Variants in ADGRD1 observed in about 807,000 individuals in gnomAD.
ADGRD1 encodes the protein adhesion G protein-coupled receptor D1.
Under a neutral mutation model 113.4 loss-of-function variants are expected in ADGRD1, and 77 were observed. The observed-to-expected ratio is 0.68, with a 90% CI of 0.57 to 0.82. The LOEUF is 0.82. Ranked by LOEUF, ADGRD1 falls within the 40% of genes least tolerant of loss-of-function variation. The pLI, the probability that ADGRD1 is intolerant of heterozygous loss-of-function variation, is 0.00. For synonymous variants in ADGRD1, 474 were observed against 475.0 expected, an observed-to-expected ratio of 1.00 and a Z score of 0.03; for missense variants, 1,036 against 1,139.1, an observed-to-expected ratio of 0.91 and a Z score of 1.30.
intron 20 of ADGRD1, among the ~76,000 whole-genome samples, chr12:131,130,699 A>G (rs1425043877): frequency 6.6e-6 from 1 of 151,946 alleles, no homozygotes; most frequent in East Asian, 1.9e-4. Context: ...GGTGTGCGGA[A>G]CAGCGATGCT....
chr12:131,063,779 CCTTTA>C (rs1310636521), intron 13 of ADGRD1, among the ~76,000 whole-genome samples: 4 of 152,142 alleles, frequency 2.6e-5, no homozygotes, highest in Non-Finnish European at 4.4e-5. Flanking sequence ...AGTTCCTTTG[CCTTTA>C]AAGATGAACT....
At chr12:130,987,453 G>A (rs778634444) in intron 6 of ADGRD1, 104 bp downstream of exon 6, 1 of 1,316,418 alleles carries the variant, frequency 7.6e-7, no homozygotes, top group Non-Finnish European at 1.1e-6. Flanking sequence ...TATCAGCACT[G>A]CAGGCGTGAG....
chr12:131,040,703 AG>A (rs757043591), intron 13 of ADGRD1, among the ~76,000 whole-genome samples: 40 of 152,228 alleles, frequency 2.6e-4, no homozygotes, highest in Admixed American at 7.8e-4. Context: ...TCTGTAAGAC[AG>A]GGATAGAACA....
intron 15 of ADGRD1, among the ~76,000 whole-genome samples, chr12:131,101,360 T>G (rs1437168775): frequency 7.1e-6 from 1 of 141,202 alleles, no homozygotes; most frequent in Non-Finnish European, 1.5e-5. Context: ...TTTTATTTTT[T>G]TTCTTTTTCT....
chr12:131,006,096 G>C, intron 12 of ADGRD1, 49 bp downstream of exon 12: 4 of 1,499,024 alleles, frequency 2.7e-6, no homozygotes, highest in Non-Finnish European at 3.7e-6. Flanking sequence ...GCGTGGGTTT[G>C]CTGGGTGGCT....
Position 130,971,360 on chromosome 12 carries a change from AT to A in ADGRD1, c.188-97del. ...TATATACTTAGATAAATAATAATGC[AT>A]ACTTACACATAAGTTATTTGTAGGT... On this transcript the variant is annotated intron_variant, in intron 3 of 24. Coordinates refer to ENST00000261654, the MANE Select transcript of ADGRD1 (RefSeq NM_198827.5). The surrounding 1 kb of genome is among the most constrained non-coding windows in gnomAD (Gnocchi z 4.2). 1.3e-6 allele frequency: 1 copy of A among 742,508 alleles called. No individual in the cohort carries two copies. Among genetic ancestry groups the A allele is most frequent in the Non-Finnish European group, 2.1e-6 (1 of 467,154 alleles). 46.0% of individuals were successfully genotyped at this position (742,508 alleles called of 1,614,324 possible).
chr12:131,110,776 G>T (rs1950330010), intron 18 of ADGRD1, among the ~76,000 whole-genome samples: 1 of 152,138 alleles, frequency 6.6e-6, no homozygotes, highest in African/African-American at 2.4e-5. Context: ...TTTCAGCCTG[G>T]AGAACTTTCT....
chr12:131,005,339 A>G (rs1157559642), intron 11 of ADGRD1, among the ~76,000 whole-genome samples: 3 of 152,170 alleles, frequency 2.0e-5, no homozygotes, highest in Non-Finnish European at 4.4e-5. Context: ...TGGCCGCATG[A>G]TCTGCTGGGA....
chr12:131,098,170 G>A (rs1725822), intron 15 of ADGRD1, among the ~76,000 whole-genome samples: 53,334 of 118,940 alleles, frequency 0.45, 12,847 homozygotes, highest in Middle Eastern at 0.51. Flanking sequence ...TCCTTCTCCC[G>A]CAGTGGCTGC....
chr12:131,030,566 C>G (rs1338927758), intron 13 of ADGRD1: 1 of 152,268 alleles, frequency 6.6e-6, no homozygotes, highest in East Asian at 1.9e-4. Flanking sequence ...CAGAAGCTTG[C>G]TGGACATCGT....
At chr12:131,033,485 T>C (rs1881035640) in intron 13 of ADGRD1, among the ~76,000 whole-genome samples, 1 of 152,236 alleles carries the variant, frequency 6.6e-6, no homozygotes, top group African/African-American at 2.4e-5. Flanking sequence ...GGGTTCCTTA[T>C]GTCTTTTCGG....
chr12:131,092,686 G>A (rs1419464763), intron 15 of ADGRD1, among the ~76,000 whole-genome samples: 1 of 152,136 alleles, frequency 6.6e-6, no homozygotes, highest in Non-Finnish European at 1.5e-5. Context: ...ACCTGGGAAT[G>A]CCAGTCCCCG....
intron 6 of ADGRD1, 84 bp from the exon 7 acceptor site, chr12:130,990,930 G>A: frequency 1.9e-6 from 2 of 1,032,616 alleles, no homozygotes; most frequent in Non-Finnish European, 1.5e-6. Flanking sequence ...TCTGAAGCCA[G>A]TACATTTTTA....
chr12:131,062,418 T>C (rs1884406368), intron 13 of ADGRD1, among the ~76,000 whole-genome samples: 1 of 152,236 alleles, frequency 6.6e-6, no homozygotes, highest in African/African-American at 2.4e-5. Context: ...TAAGTTTACG[T>C]TTCTGTGAGA....
intron 13 of ADGRD1, among the ~76,000 whole-genome samples, chr12:131,044,539 TC>T (rs1491001825): frequency 2.0e-5 from 3 of 152,240 alleles, no homozygotes; most frequent in African/African-American, 7.2e-5. Context: ...TATTTGTAAT[TC>T]TGTAAACATA....
Position 131,084,520 on chromosome 12 carries a change from C to G in ADGRD1, c.1548-20C>G. 6.2e-7 allele frequency: 1 copy of G among 1,613,890 alleles called. No homozygotes were observed. Among genetic ancestry groups the G allele is most frequent in the Non-Finnish European group, 8.5e-7 (1 of 1,179,986 alleles). ...AGGGTGCGGTGCTACCTCCTCTGAT[C>G]CTTTCTCCTGTGTCCTCAGCTCCGG... On this transcript the variant is annotated intron_variant, in intron 14 of 24. Coordinates refer to ENST00000261654, the MANE Select transcript of ADGRD1 (RefSeq NM_198827.5). The surrounding 1 kb of genome is among the most constrained non-coding windows in gnomAD (Gnocchi z 4.5).
intron 5 of ADGRD1, 198 bp from the exon 6 acceptor site, chr12:130,986,897 A>G: frequency 1.7e-6 from 1 of 577,690 alleles, no homozygotes; most frequent in Non-Finnish European, 3.1e-6. Context: ...GGGCATAAGG[A>G]CAAAAAGATA....
chr12:131,100,429 GGAGTTGGTTGATGAT>G (rs963746319), intron 15 of ADGRD1, among the ~76,000 whole-genome samples: 1 of 151,388 alleles, frequency 6.6e-6, no homozygotes, highest in Non-Finnish European at 1.5e-5. Flanking sequence ...AGTTGATGGT[GGAGTTGGTTGATGAT>G]GGGTTGGTTG....
intron 4 of ADGRD1, chr12:130,981,512 C>CCGT: frequency 3.7e-5 from 6 of 161,884 alleles, no homozygotes; most frequent in South Asian, 3.9e-4. Context: ...TAGGTCTTCA[C>CCGT]ATTTGCATGA....
Sources: allele counts gnomAD v4.1 joint callset (sites outside exome capture counted in the v4.1 genomes callset), GRCh38; gene constraint gnomAD v4.1.1; non-coding constraint Gnocchi (gnomAD v3.1); transcripts MANE v1.5; gene names NCBI Gene and HGNC (gene_info 2026-07-23, HGNC 2026-07-21).